Variants in PAPPA2 observed in about 807,000 individuals in gnomAD.
PAPPA2 encodes the protein pappalysin-2.
A neutral mutation model predicts 176.4 loss-of-function variants in PAPPA2; 86 were observed. The observed-to-expected ratio is 0.49, with a 90% CI of 0.41 to 0.58. PAPPA2 has a LOEUF of 0.58. PAPPA2 is among the 20% of genes least tolerant of loss of function. PAPPA2 has a pLI of 0.00. For synonymous variants in PAPPA2, 809 were observed against 852.2 expected (o/e 0.95, Z 0.88); for missense variants, 2,073 against 2,256.9 (o/e 0.92, Z 1.65).
chr1:176,771,979 C>G (rs1664251461), intron 17 of PAPPA2, among the ~76,000 whole-genome samples: 1 of 152,060 alleles, frequency 6.6e-6, no homozygotes, highest in African/African-American at 2.4e-5. Context: ...CATTCTTATC[C>G]TTTTAAGTTT....
At chr1:176,634,968 T>A (rs1656605265) in intron 3 of PAPPA2, among the ~76,000 whole-genome samples, 1 of 60,090 alleles carries the variant, frequency 1.7e-5, no homozygotes, top group Admixed American at 1.7e-4. Context: ...GATAGATAAA[T>A]AGATAGATAG....
chr1:176,747,697 C>G (rs915712636), intron 14 of PAPPA2, among the ~76,000 whole-genome samples: 1 of 152,136 alleles, frequency 6.6e-6, no homozygotes, highest in African/African-American at 2.4e-5. Flanking sequence ...TACAACAATG[C>G]TTATTTATAA....
intron 4 of PAPPA2, among the ~76,000 whole-genome samples, chr1:176,671,957 C>T (rs1005131040): frequency 2.0e-5 from 3 of 149,788 alleles, no homozygotes; most frequent in Non-Finnish European, 3.0e-5. Flanking sequence ...ATATACCTAA[C>T]GCTAAATGAC....
intron 21 of PAPPA2, among the ~76,000 whole-genome samples, chr1:176,838,800 C>T (rs1022867274): frequency 6.6e-6 from 1 of 152,228 alleles, no homozygotes. Context: ...CATTGCTATG[C>T]AGCTGTGTGG....
At chr1:176,541,861 C>T (rs1481253640) in intron 1 of PAPPA2, among the ~76,000 whole-genome samples, 1 of 152,234 alleles carries the variant, frequency 6.6e-6, no homozygotes, top group Non-Finnish European at 1.5e-5. Context: ...CTGAGTCACT[C>T]AGACCACACA....
chr1:176,672,029 T>G (rs569284091), intron 4 of PAPPA2, among the ~76,000 whole-genome samples: 1 of 151,290 alleles, frequency 6.6e-6, no homozygotes, highest in Admixed American at 6.6e-5. Context: ...ACCTGCACAT[T>G]GTGCACATGT....
chr1:176,508,420 T>A (rs1648414482), intron 1 of PAPPA2, among the ~76,000 whole-genome samples: 1 of 151,920 alleles, frequency 6.6e-6, no homozygotes, highest in Non-Finnish European at 1.5e-5. Flanking sequence ...AAATGACATA[T>A]AGAGAAAAAC....
At chr1:176,779,476 T>TCTCACACA (rs1315037600) in intron 17 of PAPPA2, among the ~76,000 whole-genome samples, 4 of 126,968 alleles carry the variant, frequency 3.2e-5, no homozygotes, top group Admixed American at 1.6e-4. Context: ...TCCATACTCA[T>TCTCACACA]CACACACACA....
intron 7 of PAPPA2, among the ~76,000 whole-genome samples, chr1:176,698,212 A>G (rs1660473529): frequency 1.5e-5 from 2 of 133,786 alleles, no homozygotes; most frequent in Admixed American, 1.5e-4. Flanking sequence ...TAGGTATTTA[A>G]TTTCTCTAGA....
chr1:176,663,986 G>A, intron 3 of PAPPA2, among the ~76,000 whole-genome samples: 1 of 152,104 alleles, frequency 6.6e-6, no homozygotes, highest in Non-Finnish European at 1.5e-5. Flanking sequence ...AAACTGGAGT[G>A]GTGAAATACA....
At chr1:176,793,422 C>T (rs1665272550) in intron 19 of PAPPA2, 138 bp from the exon 20 acceptor site, 2 of 682,048 alleles carry the variant, frequency 2.9e-6, no homozygotes, top group Non-Finnish European at 5.1e-6. Flanking sequence ...TGAATATCAG[C>T]CCTGCCTACA....
At chr1:176,801,067 C>A (rs1299436038) in intron 21 of PAPPA2, among the ~76,000 whole-genome samples, 1 of 151,356 alleles carries the variant, frequency 6.6e-6, no homozygotes, top group African/African-American at 2.4e-5. Flanking sequence ...CCTAGAAATT[C>A]TGTCATAGGG....
At chr1:176,760,890 C>T (rs950314747) in intron 14 of PAPPA2, among the ~76,000 whole-genome samples, 8 of 152,064 alleles carry the variant, frequency 5.3e-5, no homozygotes, top group Admixed American at 1.3e-4. Context: ...GGAGCAATCT[C>T]GGCTCACTGC....
intron 1 of PAPPA2, among the ~76,000 whole-genome samples, chr1:176,549,223 C>T (rs1247719068): frequency 6.6e-6 from 1 of 152,220 alleles, no homozygotes. Context: ...AAACTCTTCA[C>T]ACAGTACCCC....
intron 3 of PAPPA2, among the ~76,000 whole-genome samples, chr1:176,646,912 G>A (rs1000523598): frequency 6.6e-6 from 1 of 151,410 alleles, no homozygotes; most frequent in Non-Finnish European, 1.5e-5. Context: ...TTTCTTTTCT[G>A]TTGAATATAT....
intron 4 of PAPPA2, among the ~76,000 whole-genome samples, chr1:176,689,059 C>G (rs1659976794): frequency 6.6e-6 from 1 of 152,178 alleles, no homozygotes; most frequent in Non-Finnish European, 1.5e-5. Context: ...GCAGGGCCAG[C>G]TGGGCAGCAC....
intron 15 of PAPPA2, among the ~76,000 whole-genome samples, chr1:176,766,307 G>A (rs1244743026): frequency 2.0e-5 from 3 of 152,170 alleles, no homozygotes; most frequent in Admixed American, 6.5e-5. Context: ...ATTCTGTCAT[G>A]ATTCTCACTC....
intron 1 of PAPPA2, among the ~76,000 whole-genome samples, chr1:176,466,259 A>G (rs1651614981): frequency 1.3e-5 from 2 of 152,204 alleles, no homozygotes; most frequent in Non-Finnish European, 2.9e-5. Context: ...AGGCCAAATG[A>G]ACATCGGCCA....
chr1:176,522,091 C>T (rs1289249505), intron 1 of PAPPA2, among the ~76,000 whole-genome samples: 2 of 152,164 alleles, frequency 1.3e-5, no homozygotes, highest in Non-Finnish European at 2.9e-5. Flanking sequence ...TGTGGAAAGT[C>T]TCACTGTTTC....
Sources: allele counts gnomAD v4.1 joint callset (sites outside exome capture counted in the v4.1 genomes callset), GRCh38; gene constraint gnomAD v4.1.1; transcripts MANE v1.5; gene names NCBI Gene and HGNC (gene_info 2026-07-23, HGNC 2026-07-21).